PPP4R4: variants seen among roughly 807,000 people sequenced by gnomAD.
PPP4R4 encodes the protein serine/threonine-protein phosphatase 4 regulatory subunit 4.
A neutral mutation model predicts 121.8 loss-of-function variants in PPP4R4; 70 were observed. That is an observed-to-expected ratio of 0.57 (90% confidence interval 0.47 to 0.70). The LOEUF (loss-of-function observed/expected upper bound fraction) is 0.70. Ranked by LOEUF, PPP4R4 falls within the 30% of genes least tolerant of loss-of-function variation. The pLI, the probability that PPP4R4 is intolerant of heterozygous loss-of-function variation, is 0.00. For missense variants in PPP4R4, 875 were observed against 1,033.6 expected, an observed-to-expected ratio of 0.85 and a Z score of 2.10; for synonymous variants, 348 against 355.7, an observed-to-expected ratio of 0.98 and a Z score of 0.24.
intron 8 of PPP4R4, 130 bp from the exon 9 acceptor site, chr14:94,240,543 C>A: frequency 1.0e-6 from 1 of 991,908 alleles, no homozygotes; most frequent in Non-Finnish European, 1.4e-6. Context: ...TTGTTGCTTT[C>A]AGGTATTTTC....
chr14:94,243,156 C>G (rs1892718588), intron 11 of PPP4R4, among the ~76,000 whole-genome samples: 1 of 152,206 alleles, frequency 6.6e-6, no homozygotes, highest in South Asian at 2.1e-4. Flanking sequence ...TCCATAGCAT[C>G]ATTATTAATG....
At chr14:94,261,866 C>A (rs1893802000) in intron 19 of PPP4R4, among the ~76,000 whole-genome samples, 1 of 151,920 alleles carries the variant, frequency 6.6e-6, no homozygotes, top group Non-Finnish European at 1.5e-5. Flanking sequence ...AAATGGTAAA[C>A]CAATGTTGTC....
chr14:94,242,870 G>T (rs1892706007), intron 11 of PPP4R4, among the ~76,000 whole-genome samples: 1 of 152,110 alleles, frequency 6.6e-6, no homozygotes, highest in Non-Finnish European at 1.5e-5. Flanking sequence ...TAAAGTAAGA[G>T]CAAAAATAAA....
At chr14:94,182,154 C>G (rs1003682163) in intron 2 of PPP4R4, among the ~76,000 whole-genome samples, 4 of 152,166 alleles carry the variant, frequency 2.6e-5, no homozygotes, top group African/African-American at 7.2e-5. Context: ...TCTCCTGTCT[C>G]TCTGTTGTAT....
At chr14:94,265,525 C>A in intron 21 of PPP4R4, 52 bp downstream of exon 21, 1 of 1,463,762 alleles carries the variant, frequency 6.8e-7, no homozygotes, top group Non-Finnish European at 9.6e-7. Flanking sequence ...TCCTTGTATA[C>A]AAATTGCTGG....
chr14:94,265,588 G>A (rs1894005141), intron 21 of PPP4R4, 115 bp downstream of exon 21: 1 of 984,244 alleles, frequency 1.0e-6, no homozygotes, highest in African/African-American at 1.7e-5. Flanking sequence ...TCATTCTAAA[G>A]CACTTTTCAC....
intron 2 of PPP4R4, among the ~76,000 whole-genome samples, chr14:94,189,083 AT>A (rs1346246614): frequency 6.6e-6 from 1 of 152,198 alleles, no homozygotes; most frequent in Non-Finnish European, 1.5e-5. Flanking sequence ...AGAGAAGAAA[AT>A]ATACATATGT....
At chr14:94,181,028 A>G (rs897394098) in intron 2 of PPP4R4, among the ~76,000 whole-genome samples, 5 of 152,100 alleles carry the variant, frequency 3.3e-5, no homozygotes, top group Non-Finnish European at 7.4e-5. Context: ...TTTGCTACTC[A>G]CCTAGCTTTT....
intron 17 of PPP4R4, among the ~76,000 whole-genome samples, chr14:94,257,744 TAACTTGTCAA>T (rs534152915): frequency 7.4e-4 from 112 of 152,104 alleles, no homozygotes; most frequent in African/African-American, 2.6e-3. Flanking sequence ...GCAATGGAGT[TAACTTGTCAA>T]AATAATAAAC....
intron 19 of PPP4R4, among the ~76,000 whole-genome samples, chr14:94,264,529 A>G (rs537647300): frequency 1.4e-4 from 21 of 152,322 alleles, no homozygotes; most frequent in African/African-American, 4.8e-4. Flanking sequence ...CTTTTTAAAG[A>G]AAGATATTAT....
At chr14:94,201,924 A>ATG (rs140583296) in intron 2 of PPP4R4, among the ~76,000 whole-genome samples, 17,378 of 150,998 alleles carry the variant, frequency 0.12, 1,220 homozygotes, top group African/African-American at 0.19. Context: ...GATAAAGAAA[A>ATG]TGTGTGTGTG....
intron 2 of PPP4R4, among the ~76,000 whole-genome samples, chr14:94,185,043 T>A (rs1320337449): frequency 6.6e-6 from 1 of 152,200 alleles, no homozygotes; most frequent in African/African-American, 2.4e-5. Context: ...TTCAGTAGAA[T>A]AGAGGTTATC....
chr14:94,265,075 A>C (rs555892779), intron 20 of PPP4R4, 128 bp downstream of exon 20: 1 of 925,058 alleles, frequency 1.1e-6, no homozygotes, highest in East Asian at 2.6e-5. Context: ...ATTTTTGAAA[A>C]GTCGTTTTTG....
intron 24 of PPP4R4, among the ~76,000 whole-genome samples, chr14:94,277,055 A>G (rs1376044928): frequency 2.6e-5 from 4 of 152,060 alleles, no homozygotes; most frequent in African/African-American, 9.7e-5. Flanking sequence ...TCCCAGCAAT[A>G]TGGGAGGCCG....
At chr14:94,187,122 G>T (rs11626763) in intron 2 of PPP4R4, among the ~76,000 whole-genome samples, 1 of 152,064 alleles carries the variant, frequency 6.6e-6, no homozygotes, top group Non-Finnish European at 1.5e-5. Context: ...GACCAGCCTG[G>T]CCAACATGGT....
chr14:94,271,469 C>G (rs1414008888), intron 23 of PPP4R4, among the ~76,000 whole-genome samples: 1 of 152,098 alleles, frequency 6.6e-6, no homozygotes, highest in Non-Finnish European at 1.5e-5. Flanking sequence ...AACACCTATT[C>G]ATGATAAAAA....
intron 19 of PPP4R4, among the ~76,000 whole-genome samples, chr14:94,261,705 G>A (rs1893793717): frequency 6.6e-6 from 1 of 151,966 alleles, no homozygotes. Flanking sequence ...TAGGTTTTAT[G>A]TAGATTCCCT....
In PPP4R4 at chr14:94,241,875, A is replaced by G. The variant is rs1014369144; in HGVS notation, c.1064A>G (p.Asn355Ser). 1.5e-5 allele frequency: 24 copies of G among 1,610,842 alleles called. No individual in the cohort carries two copies. The highest frequency in any genetic ancestry group is 3.4e-5 in the Admixed American group (2 of 59,474). ...TLGLQQENGH[N>S]ENQIPPQILE... is the part of the protein sequence containing the mutation. ...GGTTTGCAACAAGAAAATGGACACA[A>G]TGAAAACCAGATTCCACCCCAAATC... The change falls in exon 10 of 25, where the codon AAT becomes AGT. Residue 355 changes from asparagine (N) to serine (S), a missense_variant. Transcript: ENST00000304338.
At chr14:94,220,640 TA>T (rs1891335536) in intron 3 of PPP4R4, among the ~76,000 whole-genome samples, 1 of 152,146 alleles carries the variant, frequency 6.6e-6, no homozygotes, top group Non-Finnish European at 1.5e-5. Context: ...ACTATCAAAA[TA>T]GCATTAAAAT....
Sources: allele counts gnomAD v4.1 joint callset (sites outside exome capture counted in the v4.1 genomes callset), GRCh38; gene constraint gnomAD v4.1.1; transcripts MANE v1.5; gene names NCBI Gene and HGNC (gene_info 2026-07-23, HGNC 2026-07-21).